The following ARHGEF3 variants were observed in gnomAD, a reference collection of about 807,000 sequenced individuals.
ARHGEF3 encodes the protein Rho guanine nucleotide exchange factor 3.
Under a neutral mutation model 63.2 loss-of-function variants are expected in ARHGEF3, and 28 were observed. The ratio of observed to expected loss-of-function variants is 0.44; its 90% CI spans 0.33 to 0.61. The LOEUF (loss-of-function observed/expected upper bound fraction) is 0.61, where lower values mean the gene tolerates loss of function less well. Ranked by LOEUF, ARHGEF3 falls within the 20% of genes least tolerant of loss-of-function variation. ARHGEF3 has a pLI of 0.03. For synonymous variants in ARHGEF3, 266 were observed against 254.2 expected, an observed-to-expected ratio of 1.05 and a Z score of -0.44; for missense variants, 533 against 659.3, an observed-to-expected ratio of 0.81 and a Z score of 2.10.
chr3:56,781,506 A>G (rs1228828983), intron 1 of ARHGEF3, among the ~76,000 whole-genome samples: 1 of 152,086 alleles, frequency 6.6e-6, no homozygotes, highest in Non-Finnish European at 1.5e-5. Flanking sequence ...TTGGCCTGCC[A>G]AAGTGCTGGG....
chr3:56,900,088 G>C (rs1006438051), intron 3 of ARHGEF3, among the ~76,000 whole-genome samples: 3 of 152,156 alleles, frequency 2.0e-5, no homozygotes, highest in African/African-American at 4.8e-5. Flanking sequence ...GAAGGCTGAT[G>C]GATCTGTTTC....
At chr3:56,753,030 C>T (rs945825227) in intron 4 of ARHGEF3, among the ~76,000 whole-genome samples, 10 of 152,206 alleles carry the variant, frequency 6.6e-5, no homozygotes, top group African/African-American at 2.4e-4. Flanking sequence ...CCTCCCCACA[C>T]AAAATGTTGA....
At chr3:56,884,384 A>T (rs35657478) in intron 3 of ARHGEF3, among the ~76,000 whole-genome samples, 1 of 152,102 alleles carries the variant, frequency 6.6e-6, no homozygotes, top group Non-Finnish European at 1.5e-5. Context: ...CAGATGGGGA[A>T]GATATTGGGG....
intron 2 of ARHGEF3, among the ~76,000 whole-genome samples, chr3:57,027,766 G>A (rs919176004): frequency 7.9e-5 from 12 of 152,158 alleles, no homozygotes; most frequent in Non-Finnish European, 1.5e-4. Flanking sequence ...GGCTGAGGCA[G>A]GAGAATCGCT....
At chr3:57,009,852 G>T (rs1702611870) in intron 2 of ARHGEF3, among the ~76,000 whole-genome samples, 2 of 152,080 alleles carry the variant, frequency 1.3e-5, no homozygotes, top group Admixed American at 6.6e-5. Flanking sequence ...TAATAATAGT[G>T]AGCAGCAACA....
chr3:56,930,033 G>A (rs552843977), intron 3 of ARHGEF3, among the ~76,000 whole-genome samples: 35 of 142,828 alleles, frequency 2.5e-4, no homozygotes, highest in Admixed American at 1.5e-3. Context: ...CCTGAGTCTG[G>A]GTCAACTACC....
chr3:56,929,243 T>C (rs2042350552), intron 3 of ARHGEF3, among the ~76,000 whole-genome samples: 1 of 152,194 alleles, frequency 6.6e-6, no homozygotes, highest in Non-Finnish European at 1.5e-5. Context: ...GGATTTGCAC[T>C]AATTATTTCA....
intron 2 of ARHGEF3, among the ~76,000 whole-genome samples, chr3:57,008,933 A>G (rs1285103771): frequency 1.3e-5 from 2 of 152,250 alleles, no homozygotes; most frequent in African/African-American, 2.4e-5. Context: ...CAAAGTCCAG[A>G]TGGCTCTCAT....
At chr3:57,031,711 C>T (rs6780066) in intron 2 of ARHGEF3, among the ~76,000 whole-genome samples, 60,388 of 152,024 alleles carry the variant, frequency 0.4, 12,826 homozygotes, top group Non-Finnish European at 0.47. Context: ...AGATAGTACC[C>T]GCTGAATCAG....
At chr3:56,840,573 C>T (rs942582801) in intron 4 of ARHGEF3, among the ~76,000 whole-genome samples, 32 of 152,156 alleles carry the variant, frequency 2.1e-4, no homozygotes, top group African/African-American at 6.8e-4. Context: ...AGCGCAGTGC[C>T]GTGAGTAAGC....
chr3:56,933,792 C>A (rs967415520), intron 3 of ARHGEF3, among the ~76,000 whole-genome samples: 2 of 152,172 alleles, frequency 1.3e-5, no homozygotes, highest in Admixed American at 6.5e-5. Flanking sequence ...TGGTCTGACT[C>A]TGTGTCCCCA....
At chr3:56,969,379 T>A (rs1395400859) in intron 2 of ARHGEF3, among the ~76,000 whole-genome samples, 1 of 113,864 alleles carries the variant, frequency 8.8e-6, no homozygotes, top group Non-Finnish European at 1.9e-5. Context: ...TGTTCTTTTT[T>A]TCTTATTGAT....
chr3:57,056,075 GGAGAA>G (rs1704918707), intron 1 of ARHGEF3, among the ~76,000 whole-genome samples: 1 of 152,164 alleles, frequency 6.6e-6, no homozygotes, highest in East Asian at 1.9e-4. Context: ...CTCACAGCCT[GGAGAA>G]GAGACCAATA....
intron 3 of ARHGEF3, among the ~76,000 whole-genome samples, chr3:56,921,152 C>A (rs1305138715): frequency 6.7e-6 from 1 of 150,170 alleles, no homozygotes; most frequent in East Asian, 1.9e-4. Flanking sequence ...ATGGCTTGAG[C>A]CCGGGAGTTC....
At chr3:57,045,925 C>T (rs1704433287) in intron 1 of ARHGEF3, among the ~76,000 whole-genome samples, 1 of 152,230 alleles carries the variant, frequency 6.6e-6, no homozygotes, top group Non-Finnish European at 1.5e-5. Context: ...ATCACACTCA[C>T]TAACTCAGCT....
intron 1 of ARHGEF3, among the ~76,000 whole-genome samples, chr3:57,055,185 G>A (rs1418914128): frequency 2.3e-5 from 3 of 133,104 alleles, no homozygotes; most frequent in Non-Finnish European, 3.1e-5. Flanking sequence ...TTTTTGAGAC[G>A]AAGTCCAACT....
At position 56,958,003 on chromosome 3, in the gene ARHGEF3, A is replaced by G. The variant is rs970485980; in HGVS notation, c.129+820T>C. On this transcript the variant is annotated intron_variant, in intron 3 of 12. Coordinates refer to the ARHGEF3 transcript ENST00000338458. ...TCAATCTGACCCTTCCTATACCTCT[A>G]TATCTCCCAAGCAAGGTTGATTGCT... 4.6e-5 allele frequency among the ~76,000 whole-genome samples: 7 copies of G among 152,188 alleles called. 1 individual carries two copies. Among genetic ancestry groups the G allele is most frequent in the South Asian group, 4.2e-4 (2 of 4,816 alleles).
chr3:56,894,747 C>T (rs1166870880), intron 3 of ARHGEF3, among the ~76,000 whole-genome samples: 1 of 152,076 alleles, frequency 6.6e-6, no homozygotes, highest in Non-Finnish European at 1.5e-5. Flanking sequence ...CTGGGTTAGG[C>T]CTTAGAAATG....
intron 2 of ARHGEF3, among the ~76,000 whole-genome samples, chr3:56,761,728 G>C (rs918047316): frequency 4.6e-5 from 7 of 152,192 alleles, no homozygotes; most frequent in Non-Finnish European, 8.8e-5. Context: ...TTGAGGCTCA[G>C]AGAAGGTGAC....
Sources: allele counts gnomAD v4.1 joint callset (sites outside exome capture counted in the v4.1 genomes callset), GRCh38; gene constraint gnomAD v4.1.1; transcripts MANE v1.5; gene names NCBI Gene and HGNC (gene_info 2026-07-23, HGNC 2026-07-21).